INSL6: variants seen among roughly 807,000 people sequenced by gnomAD.
The protein encoded by INSL6 is insulin like 6, also known as insulin-like peptide INSL6.
In INSL6, 16 loss-of-function variants were observed where a neutral mutation model predicts 9.4. That is an observed-to-expected ratio of 1.70 (90% confidence interval 1.15 to 2.59). The LOEUF (loss-of-function observed/expected upper bound fraction) is 2.59. Ranked by LOEUF, INSL6 falls within the 30% of genes most tolerant of loss-of-function variation. INSL6 has a pLI of 0.00. For missense variants in INSL6, 391 were observed against 257.3 expected (o/e 1.52, Z -3.56); for synonymous variants, 154 against 96.9 (o/e 1.59, Z -3.46).
At chr9:5,157,784 G>T (rs1051301585) in intron 2 of INSL6, among the ~76,000 whole-genome samples, 4 of 152,108 alleles carry the variant, frequency 2.6e-5, no homozygotes, top group African/African-American at 9.7e-5. Context: ...TGAATGCTCA[G>T]ATACTAATGA....
the INSL6 span, among the ~76,000 whole-genome samples, chr9:5,067,821 A>G: frequency 1.3e-5 from 2 of 152,178 alleles, no homozygotes; most frequent in Non-Finnish European, 2.9e-5. Flanking sequence ...ATTATCTAGC[A>G]TAGGCAAATA....
chr9:5,088,961 A>G, the INSL6 span, among the ~76,000 whole-genome samples: 2 of 152,252 alleles, frequency 1.3e-5, no homozygotes, highest in South Asian at 2.1e-4. Flanking sequence ...CATTTAGCCC[A>G]TAACAGACAC....
the INSL6 span, chr9:5,078,473 T>C: frequency 6.4e-7 from 1 of 1,559,810 alleles, no homozygotes; most frequent in Non-Finnish European, 8.7e-7. Context: ...ATATATAATG[T>C]TACTAAGCTT....
At chr9:5,013,111 G>A in the INSL6 span, among the ~76,000 whole-genome samples, 6 of 152,190 alleles carry the variant, frequency 3.9e-5, no homozygotes, top group Admixed American at 3.9e-4. Context: ...TTATCTCAAA[G>A]TATGAAAGCT....
chr9:5,107,371 C>T, the INSL6 span, among the ~76,000 whole-genome samples: 1 of 152,114 alleles, frequency 6.6e-6, no homozygotes, highest in African/African-American at 2.4e-5. Flanking sequence ...CAACTGCCTC[C>T]CCTTTTCCAT....
At chr9:5,062,312 A>ATCAATAGTT in the INSL6 span, among the ~76,000 whole-genome samples, 2 of 152,020 alleles carry the variant, frequency 1.3e-5, no homozygotes, top group Non-Finnish European at 2.9e-5. Flanking sequence ...TCTGAGGGAC[A>ATCAATAGTT]ACTGTACAAT....
the INSL6 span, among the ~76,000 whole-genome samples, chr9:5,004,354 T>A: frequency 6.6e-6 from 1 of 152,214 alleles, no homozygotes; most frequent in Non-Finnish European, 1.5e-5. Flanking sequence ...TTCTACTTTT[T>A]TAGATTCTAT....
intron 2 of INSL6, among the ~76,000 whole-genome samples, chr9:5,148,275 T>C (rs1286481393): frequency 6.6e-6 from 1 of 152,138 alleles, no homozygotes. Flanking sequence ...TTGCACATGG[T>C]TACGTAGAGA....
At chr9:5,054,671 C>T in the INSL6 span, 2 of 1,613,096 alleles carry the variant, frequency 1.2e-6, no homozygotes, top group Non-Finnish European at 1.7e-6. The surrounding 1 kb of genome is among the most constrained non-coding windows in gnomAD (Gnocchi z 4.9). Context: ...AGCAATTCAG[C>T]CAATGCAAAG....
intron 3 of INSL6, chr9:5,128,277 T>G: frequency 4.4e-6 from 1 of 228,564 alleles, no homozygotes; most frequent in East Asian, 6.2e-5. Flanking sequence ...TTTTTTACAT[T>G]CATTATTATA....
the INSL6 span, among the ~76,000 whole-genome samples, chr9:5,076,094 C>T: frequency 1.3e-5 from 2 of 151,954 alleles, no homozygotes; most frequent in Non-Finnish European, 2.9e-5. Context: ...CACGATAAGC[C>T]CTGAAAGAAG....
At chr9:5,029,728 G>T in the INSL6 span, 1 of 1,457,496 alleles carries the variant, frequency 6.9e-7, no homozygotes. Flanking sequence ...TAGGTGCTAT[G>T]TAAAAATATT....
intron 1 of INSL6, among the ~76,000 whole-genome samples, chr9:5,172,575 A>G (rs893072819): frequency 1.3e-5 from 2 of 152,232 alleles, no homozygotes; most frequent in African/African-American, 4.8e-5. Context: ...ACGAAGGTCT[A>G]ATATCCAGAA....
At chr9:5,058,610 A>G in the INSL6 span, among the ~76,000 whole-genome samples, 3 of 152,214 alleles carry the variant, frequency 2.0e-5, no homozygotes, top group East Asian at 3.9e-4. Context: ...TCTACTTGTA[A>G]TTTTTTAGGG....
At chr9:5,085,093 T>C in the INSL6 span, 1 of 660,672 alleles carries the variant, frequency 1.5e-6, no homozygotes, top group African/African-American at 1.8e-5. Context: ...TTCATGGCAG[T>C]ACTGCTGGGC....
At chr9:4,998,417 C>G in the INSL6 span, among the ~76,000 whole-genome samples, 1 of 152,072 alleles carries the variant, frequency 6.6e-6, no homozygotes, top group Admixed American at 6.5e-5. Context: ...CCACCACGCC[C>G]AGCTAATTTT....
At chr9:5,043,512 GT>G in the INSL6 span, among the ~76,000 whole-genome samples, 1 of 152,172 alleles carries the variant, frequency 6.6e-6, no homozygotes, top group African/African-American at 2.4e-5. Context: ...ATGTAAAGTG[GT>G]GCTGCTACTT....
chr9:5,081,923 C>T, the INSL6 span: 11 of 1,367,572 alleles, frequency 8.0e-6, no homozygotes, highest in Middle Eastern at 1.8e-4. Flanking sequence ...AACTTAAGAG[C>T]GTTTCTAAAG....
At chr9:5,034,755 T>G in the INSL6 span, among the ~76,000 whole-genome samples, 1 of 151,386 alleles carries the variant, frequency 6.6e-6, no homozygotes, top group African/African-American at 2.4e-5. Context: ...AGAGGGAAAT[T>G]TATAGCACTA....
Sources: allele counts gnomAD v4.1 joint callset (sites outside exome capture counted in the v4.1 genomes callset), GRCh38; gene constraint gnomAD v4.1.1; non-coding constraint Gnocchi (gnomAD v3.1); transcripts MANE v1.5; gene names NCBI Gene and HGNC (gene_info 2026-07-23, HGNC 2026-07-21).